The following GABRA3 variants were observed in gnomAD, a reference collection of about 807,000 sequenced individuals.
The protein encoded by GABRA3 is gamma-aminobutyric acid type A receptor subunit alpha3, also known as gamma-aminobutyric acid receptor subunit alpha-3.
GABRA3 carries 10 observed loss-of-function variants against 30.1 expected under a neutral mutation model. The ratio of observed to expected loss-of-function variants is 0.33; its 90% CI spans 0.20 to 0.56. The LOEUF (loss-of-function observed/expected upper bound fraction) is 0.56, where lower values mean the gene tolerates loss of function less well. GABRA3 is among the 20% of genes least tolerant of loss of function. The probability of loss-of-function intolerance (pLI) is 0.89; values close to 1 mark genes in which losing one functional copy is unlikely to be tolerated. For synonymous variants in GABRA3, 151 were observed against 146.8 expected (o/e 1.03, Z -0.21); for missense variants, 233 against 392.0 (o/e 0.59, Z 3.42).
chrX:152,294,558 G>T (rs912959753), intron 3 of GABRA3, among the ~76,000 whole-genome samples: 1 of 110,871 alleles, frequency 9.0e-6, no homozygotes, highest in Non-Finnish European at 1.9e-5. Flanking sequence ...TGTCTTCCTT[G>T]CAATGGGTTC....
chrX:152,423,946 C>A (rs1051380793), intron 1 of GABRA3, among the ~76,000 whole-genome samples: 2 of 111,113 alleles, frequency 1.8e-5, no homozygotes, highest in African/African-American at 6.5e-5. Context: ...TAAAAATACA[C>A]ACTAAAACAA....
At chrX:152,394,577 G>A (rs1440709027) in intron 1 of GABRA3, 1 of 352,445 alleles carries the variant, frequency 2.8e-6, no homozygotes, top group African/African-American at 2.6e-5. Flanking sequence ...TCACAATAGT[G>A]AAAGACATGG....
chrX:152,303,050 G>A (rs1247893492), intron 3 of GABRA3, among the ~76,000 whole-genome samples: 1 of 111,831 alleles, frequency 8.9e-6, no homozygotes, highest in East Asian at 2.8e-4. Flanking sequence ...ACTGGTGCAT[G>A]TGTCTTTTTG....
chrX:152,262,159 AG>A (rs1332396721), intron 4 of GABRA3, among the ~76,000 whole-genome samples: 2 of 112,370 alleles, frequency 1.8e-5, no homozygotes, highest in Non-Finnish European at 3.8e-5. Flanking sequence ...TGCATGGAGC[AG>A]GGGGTTCCTG....
At chrX:152,266,507 G>A (rs967601561) in intron 4 of GABRA3, among the ~76,000 whole-genome samples, 2 of 111,619 alleles carry the variant, frequency 1.8e-5, no homozygotes, top group African/African-American at 6.5e-5. Context: ...GAATTCTATA[G>A]CCAAACTTAG....
At chrX:152,235,573 C>A (rs939343795) in intron 5 of GABRA3, among the ~76,000 whole-genome samples, 1 of 111,398 alleles carries the variant, frequency 9.0e-6, no homozygotes, top group Admixed American at 9.6e-5. Context: ...AATTCAGTAA[C>A]ATTTCTACAC....
chrX:152,322,848 T>TC (rs1939988872), intron 3 of GABRA3, among the ~76,000 whole-genome samples: 1 of 74,998 alleles, frequency 1.3e-5, no homozygotes, highest in Non-Finnish European at 2.6e-5. Context: ...TCTACTCTTT[T>TC]TTTTTTTTTT....
At chrX:152,350,554 T>C (rs1283592698) in intron 2 of GABRA3, among the ~76,000 whole-genome samples, 1 of 111,590 alleles carries the variant, frequency 9.0e-6, no homozygotes, top group East Asian at 2.8e-4. Context: ...CTAATTATAG[T>C]TTTCTTGCTA....
At chrX:152,427,916 T>C (rs1406104218) in intron 1 of GABRA3, among the ~76,000 whole-genome samples, 1 of 112,043 alleles carries the variant, frequency 8.9e-6, no homozygotes, top group Non-Finnish European at 1.9e-5. Context: ...CCACAACATC[T>C]ACAGCCAAAT....
intron 4 of GABRA3, among the ~76,000 whole-genome samples, chrX:152,257,374 G>C (rs776987818): frequency 1.8e-5 from 2 of 111,805 alleles, no homozygotes; most frequent in African/African-American, 6.5e-5. Flanking sequence ...AAGGCACAGG[G>C]GACACTTCCA....
intron 1 of GABRA3, among the ~76,000 whole-genome samples, chrX:152,390,803 T>G (rs1451393944): frequency 9.0e-6 from 1 of 111,445 alleles, no homozygotes; most frequent in Non-Finnish European, 1.9e-5. Context: ...ATTTAGAACT[T>G]ATTACATACC....
At chrX:152,282,193 C>G (rs1939210676) in intron 4 of GABRA3, among the ~76,000 whole-genome samples, 1 of 111,807 alleles carries the variant, frequency 8.9e-6, no homozygotes, top group Non-Finnish European at 1.9e-5. Context: ...AAGACTGCCT[C>G]TATTTCCTTA....
At chrX:152,169,876 C>T (rs976318820) in intron 9 of GABRA3, among the ~76,000 whole-genome samples, 30 of 111,527 alleles carry the variant, frequency 2.7e-4, no homozygotes, top group African/African-American at 9.8e-4. Context: ...TCCTCTCTTG[C>T]TGACCCCTAT....
chrX:152,416,747 C>T (rs1246763688), intron 1 of GABRA3, among the ~76,000 whole-genome samples: 2 of 110,073 alleles, frequency 1.8e-5, no homozygotes, highest in Non-Finnish European at 3.8e-5. Context: ...TGATCTTTGA[C>T]AAACCTGAGA....
At chrX:152,384,720 G>A (rs1156820190) in intron 1 of GABRA3, among the ~76,000 whole-genome samples, 3 of 112,026 alleles carry the variant, frequency 2.7e-5, no homozygotes, top group African/African-American at 9.7e-5. Context: ...CTTACACAAA[G>A]TGATAACCTA....
At chrX:152,262,841 C>T (rs1339172222) in intron 4 of GABRA3, among the ~76,000 whole-genome samples, 1 of 112,014 alleles carries the variant, frequency 8.9e-6, no homozygotes, top group Non-Finnish European at 1.9e-5. Flanking sequence ...CAGTGCCCGA[C>T]TCTCTGTGAT....
At chrX:152,386,910 A>G (rs1391126331) in intron 1 of GABRA3, among the ~76,000 whole-genome samples, 1 of 106,500 alleles carries the variant, frequency 9.4e-6, no homozygotes, top group Non-Finnish European at 1.9e-5. Context: ...ATGTCCAACA[A>G]TGATAGACTG....
intron 2 of GABRA3, among the ~76,000 whole-genome samples, chrX:152,359,242 A>T (rs1034161198): frequency 1.8e-5 from 2 of 111,042 alleles, no homozygotes; most frequent in Admixed American, 9.6e-5. Flanking sequence ...GGAACTTGTT[A>T]TTGGTCTGTT....
At chrX:152,376,340 T>G (rs1928997368) in intron 1 of GABRA3, among the ~76,000 whole-genome samples, 1 of 110,513 alleles carries the variant, frequency 9.0e-6, no homozygotes, top group Non-Finnish European at 1.9e-5. Flanking sequence ...AATCCTAATC[T>G]CCGAGCCTGC....
Sources: gnomAD v4.1 joint callset for allele counts (sites outside exome capture counted in the v4.1 genomes callset) on GRCh38, gnomAD v4.1.1 for gene constraint, MANE v1.5 for transcripts, NCBI Gene and HGNC (gene_info 2026-07-23, HGNC 2026-07-21) for gene names.